The following SERPINB4 variants were observed in gnomAD, a reference collection of about 807,000 sequenced individuals.
SERPINB4 encodes serpin B4.
A neutral mutation model predicts 33.2 loss-of-function variants in SERPINB4; 39 were observed. That is an observed-to-expected ratio of 1.18 (90% CI 0.91 to 1.53). The LOEUF is 1.53. Ranked by LOEUF, SERPINB4 falls within the 40% of genes most tolerant of loss-of-function variation. The pLI, the probability that SERPINB4 is intolerant of heterozygous loss-of-function variation, is 0.00. For missense variants in SERPINB4, 564 were observed against 455.4 expected (o/e 1.24, Z -2.17); for synonymous variants, 191 against 166.4 (o/e 1.15, Z -1.14).
chr18:63,641,905 G>T lies in SERPINB4; in HGVS notation c.223-17C>A. On this transcript the variant is annotated splice_polypyrimidine_tract_variant and intron_variant, in intron 3 of 7. Transcript: ENST00000341074. ...CCTATCAACCTTCAAACATCAAAAA[G>T]GGAGATCATTCAATTGCTGTATCAA... 6.2e-7 allele frequency: 1 copy of T among 1,606,722 alleles called. No individual in the cohort carries two copies. Among genetic ancestry groups the T allele is most frequent in the East Asian group, 2.2e-5 (1 of 44,792 alleles).
chr18:63,642,867 A>T, intron 3 of SERPINB4: 1 of 341,210 alleles, frequency 2.9e-6, no homozygotes, highest in Non-Finnish European at 5.3e-6. Context: ...TGGGACTCCG[A>T]GCAGTTGTGT....
In SERPINB4 at chr18:63,640,074, A is replaced by G. The variant is rs187769228; in HGVS notation, c.470-298T>C. Among the ~76,000 whole-genome samples, 181 of 152,126 alleles carry G rather than the reference A, an allele frequency of 1.2e-3. 1 individual carries two copies. Among genetic ancestry groups the G allele is most frequent in the African/African-American group, 4.1e-3 (171 of 41,530 alleles). The stretch of plus-strand genomic sequence containing the variant: ...CAATCATCTGATTTGGAATACTGAT[A>G]AACTGATTTTGTCTACTCTTCCAAC... On this transcript the variant is annotated intron_variant, in intron 5 of 7. Transcript: ENST00000341074.
Position 63,638,054 on chromosome 18 carries a change from C to T in SERPINB4, c.838G>A (p.Val280Ile), listed in dbSNP as rs1598924666. The change falls in exon 8 of 8, where the codon GTC (valine) becomes ATC (isoleucine). Residue 280 changes from valine to isoleucine, a missense_variant. By Grantham distance (29) the Val-to-Ile change is conservative. Coordinates refer to ENST00000341074, the MANE Select transcript of SERPINB4 (RefSeq NM_002974.4). ...TSLQNMRETCVDLHLPRFKME... is the reference protein window; with the variant it reads ...TSLQNMRETCIDLHLPRFKME... ...TTGAACCGAGGTAAGTGTAAATCGACACATGTCTCTCTCATATTCTGCAAA... is the reference window on the plus strand; with the variant it reads ...TTGAACCGAGGTAAGTGTAAATCGATACATGTCTCTCTCATATTCTGCAAA... 1.2e-6 allele frequency: 2 copies of T among 1,613,506 alleles called. No homozygotes were observed. The highest frequency in any genetic ancestry group is 1.7e-6 in the Non-Finnish European group (2 of 1,179,704).
rs183382611 is a variant in SERPINB4, at chr18:63,637,612, A to T, written c.*107T>A. Reference sequence around the variant, plus strand: ...GATGATGACTATCATCATCAAGATGAGATAGAAAAGAAATATGAGCCAAGA... The same window carrying T: ...GATGATGACTATCATCATCAAGATGTGATAGAAAAGAAATATGAGCCAAGA... On this transcript the variant is annotated 3_prime_UTR_variant, in exon 8 of 8. Transcript: ENST00000341074. 1.8e-6 allele frequency: 2 copies of T among 1,139,166 alleles called. No individual in the cohort carries two copies. Among genetic ancestry groups the T allele is most frequent in the African/African-American group, 1.6e-5 (1 of 64,198 alleles). The allele number at this position is 1,139,166 out of a possible 1,614,324, so 70.6% of individuals were successfully genotyped here.
intron 7 of SERPINB4, 45 bp downstream of exon 7, chr18:63,639,140 A>G (rs1192733728): frequency 6.5e-7 from 1 of 1,534,090 alleles, no homozygotes; most frequent in South Asian, 1.3e-5. Flanking sequence ...ATCTTTGGAA[A>G]AATGTCCGGC....
intron 3 of SERPINB4, 72 bp downstream of exon 3, chr18:63,643,089 T>G (rs1035758324): frequency 1.3e-6 from 2 of 1,595,782 alleles, no homozygotes; most frequent in East Asian, 2.2e-5. Context: ...TTCTTAGTTT[T>G]TGTGAAGTTC....
intron 3 of SERPINB4, among the ~76,000 whole-genome samples, chr18:63,642,727 T>G (rs1913177173): frequency 6.6e-6 from 1 of 152,114 alleles, no homozygotes. Context: ...AGTATAATTA[T>G]AGCTACTTTA....
Position 63,641,863 on chromosome 18 carries a change from T to C in SERPINB4, c.248A>G (p.His83Arg). ...YHVDRSGNVH[H>R]QFQKLLTEFN... ...TTCAGTCAGAAGCTTTTGAAACTGGTGATGAACATTTCCTGACCTATCAAC... is the reference window on the plus strand; with the variant it reads ...TTCAGTCAGAAGCTTTTGAAACTGGCGATGAACATTTCCTGACCTATCAAC... The change falls in exon 4 of 8, where the codon CAC becomes CGC. Residue 83 changes from histidine (H) to arginine (R), a missense_variant. By Grantham distance (29) the His-to-Arg change is conservative. Transcript: ENST00000341074. 1 of 1,613,338 alleles carries C rather than the reference T, an allele frequency of 6.2e-7. No homozygotes were observed. The highest frequency in any genetic ancestry group is 1.1e-5 in the South Asian group (1 of 91,072).
At chr18:63,638,482 CAT>C (rs887567722) in intron 7 of SERPINB4, among the ~76,000 whole-genome samples, 26 of 151,984 alleles carry the variant, frequency 1.7e-4, no homozygotes, top group African/African-American at 6.0e-4. Flanking sequence ...CAGCCTACTA[CAT>C]GTGTCAATTT....
chr18:63,641,456 C>T (rs1273089231), intron 4 of SERPINB4, among the ~76,000 whole-genome samples: 1 of 152,078 alleles, frequency 6.6e-6, no homozygotes, highest in Admixed American at 6.6e-5. Flanking sequence ...CAAGATGTAT[C>T]GTATGTGACT....
At chr18:63,638,362 A>G (rs928633373) in intron 7 of SERPINB4, among the ~76,000 whole-genome samples, 3 of 152,052 alleles carry the variant, frequency 2.0e-5, no homozygotes, top group African/African-American at 7.2e-5. Context: ...GTTTTTACGT[A>G]TATGTATATG....
chr18:63,637,646 T>C lies in SERPINB4; in HGVS notation c.*73A>G. Reference sequence around the variant, plus strand: ...AGAAATATGAGCCAAGAGAATCTGTTGTTGCCAGCAATCAGTTTACCAGAA... The same window carrying C: ...AGAAATATGAGCCAAGAGAATCTGTCGTTGCCAGCAATCAGTTTACCAGAA... On this transcript the variant is annotated 3_prime_UTR_variant, in exon 8 of 8. Coordinates refer to ENST00000341074, the MANE Select transcript of SERPINB4 (RefSeq NM_002974.4). The C allele has an allele frequency of 6.9e-7, 1 of 1,438,936 alleles. No homozygotes were observed. The highest frequency in any genetic ancestry group is 9.4e-7 in the Non-Finnish European group (1 of 1,065,806). 89.1% of individuals were successfully genotyped at this position (1,438,936 alleles called of 1,614,324 possible).
At chr18:63,643,333 A>C (rs1323788588) in intron 2 of SERPINB4, 80 bp downstream of exon 2, 2 of 1,609,210 alleles carry the variant, frequency 1.2e-6, no homozygotes, top group East Asian at 2.2e-5. Flanking sequence ...TCAGACCACC[A>C]CATCTATTAC....
In SERPINB4 at chr18:63,639,279, T is replaced by C. The variant is rs766390866; in HGVS notation, c.674A>G (p.Glu225Gly). The change falls in exon 7 of 8, where the codon GAG becomes GGG. Residue 225 changes from glutamate to glycine, a missense_variant. Physicochemically the swap from Glu to Gly is moderately conservative, Grantham distance 98. Transcript: ENST00000341074. ...TTCCAGGACCTTGGCCTGTACATCC[T>C]CCAGCAAGGCAAAATTAAAGGAATT... ...QYNSFNFALL[E>G]DVQAKVLEIP... 1.2e-6 allele frequency: 2 copies of C among 1,612,696 alleles called. No homozygotes were observed. Among genetic ancestry groups the C allele is most frequent in the Non-Finnish European group, 1.7e-6 (2 of 1,179,134 alleles).
At position 63,638,067 on chromosome 18, in the gene SERPINB4, C is replaced by T. The variant is rs1281722718; in HGVS notation, c.825G>A (p.Met275Ile). The part of the protein sequence containing the change: ...KLMEWTSLQN[M>I]RETCVDLHLP... ...AGTGTAAATCGACACATGTCTCTCT[C>T]ATATTCTGCAAACTTGTCCATTCCA... The change falls in exon 8 of 8, where the codon ATG becomes ATA. Residue 275 changes from methionine (M) to isoleucine (I), a missense_variant. Coordinates refer to ENST00000341074, the MANE Select transcript of SERPINB4 (RefSeq NM_002974.4). The T allele has an allele frequency of 1.2e-6, 2 of 1,613,490 alleles. No individual in the cohort carries two copies. The highest frequency in any genetic ancestry group is 4.5e-5 in the East Asian group (2 of 44,860).
At position 63,643,191 on chromosome 18, in the gene SERPINB4, C is replaced by A. The variant is rs758251890; in HGVS notation, c.192G>T (p.Glu64Asp). 1 of 1,613,174 alleles carries A rather than the reference C, an allele frequency of 6.2e-7. No homozygotes were observed. The highest frequency in any genetic ancestry group is 8.5e-7 in the Non-Finnish European group (1 of 1,179,580). ...SKVLHFDQVTENTTEKAATYH... is the reference protein window; with the variant it reads ...SKVLHFDQVTDNTTEKAATYH... ...ATGTTGCAGCTTTTTCTGTGGTGTT[C>A]TCTGTGACTTGATCAAAGTGAAGAA... Residue 64 changes from glutamate to aspartate, a missense_variant, in exon 3 of 8, where the codon GAG becomes GAT. Transcript: ENST00000341074.
intron 5 of SERPINB4, among the ~76,000 whole-genome samples, chr18:63,640,594 G>A (rs1362340502): frequency 6.6e-6 from 1 of 152,068 alleles, no homozygotes; most frequent in Non-Finnish European, 1.5e-5. Context: ...AAATAGGCCT[G>A]AGCGGAGACA....
chr18:63,639,275 A>T lies in SERPINB4; in HGVS notation c.678T>A (p.Asp226Glu), dbSNP rs756177508. The T allele has an allele frequency of 6.8e-6, 11 of 1,612,618 alleles. No homozygotes were observed. Among genetic ancestry groups the T allele is most frequent in the Non-Finnish European group, 9.3e-6 (11 of 1,179,156 alleles). Reference sequence around the variant, plus strand: ...GTATTTCCAGGACCTTGGCCTGTACATCCTCCAGCAAGGCAAAATTAAAGG... The same window carrying T: ...GTATTTCCAGGACCTTGGCCTGTACTTCCTCCAGCAAGGCAAAATTAAAGG... Reference protein sequence around the residue: ...YNSFNFALLEDVQAKVLEIPY... With the variant: ...YNSFNFALLEEVQAKVLEIPY... Residue 226 changes from aspartate (D) to glutamate (E), a missense_variant, in exon 7 of 8, where the codon GAT becomes GAA. Physicochemically the swap from Asp to Glu is conservative, Grantham distance 45 (BLOSUM62 2). Transcript: ENST00000341074.
intron 2 of SERPINB4, 77 bp from the exon 3 acceptor site, chr18:63,643,294 A>G: frequency 6.2e-7 from 1 of 1,612,042 alleles, no homozygotes; most frequent in Non-Finnish European, 8.5e-7. Flanking sequence ...CAGTTATGGG[A>G]ATTCCTGCAC....
Sources: gnomAD v4.1 joint callset for allele counts (sites outside exome capture counted in the v4.1 genomes callset) on GRCh38, gnomAD v4.1.1 for gene constraint, MANE v1.5 for transcripts, NCBI Gene and HGNC (gene_info 2026-07-23, HGNC 2026-07-21) for gene names.